NSL1: variants seen among roughly 807,000 people sequenced by gnomAD.
NSL1 encodes NSL1 component of MIS12 kinetochore complex.
A neutral mutation model predicts 25.4 loss-of-function variants in NSL1; 11 were observed. The observed-to-expected ratio is 0.43, with a 90% CI of 0.27 to 0.72. NSL1 has a LOEUF of 0.72. NSL1 is among the 30% of genes least tolerant of loss of function. The probability of loss-of-function intolerance (pLI) is 0.19; values close to 1 mark genes in which losing one functional copy is unlikely to be tolerated. For missense variants in NSL1, 330 were observed against 342.7 expected (o/e 0.96, Z 0.29); for synonymous variants, 118 against 120.6 (o/e 0.98, Z 0.14).
chr1:212,782,125 T>C (rs1660758076), intron 4 of NSL1: 2 of 699,656 alleles, frequency 2.9e-6, no homozygotes, highest in African/African-American at 3.5e-5. Context: ...TGTGTTATAA[T>C]AGTCTGGGTC....
intron 4 of NSL1, among the ~76,000 whole-genome samples, chr1:212,765,471 T>C (rs1316239691): frequency 6.6e-6 from 1 of 151,984 alleles, no homozygotes; most frequent in African/African-American, 2.4e-5. Flanking sequence ...AGAAACAGAA[T>C]TAAAAACAAA....
rs375998186 is a variant in NSL1 at position 212,787,578 on chromosome 1, A to G, written c.294T>C (p.Ala98=). Residue 98 remains alanine, a synonymous_variant, in exon 2 of 6, where the codon GCT becomes GCC. Coordinates refer to ENST00000366977, the MANE Select transcript of NSL1 (RefSeq NM_015471.4). Reference sequence around the variant, plus strand: ...ACATACCCATAAAACAATTATCTGAAGCTTCCTGCCATGCTTGCCCATTAA... The same window carrying G: ...ACATACCCATAAAACAATTATCTGAGGCTTCCTGCCATGCTTGCCCATTAA... The part of the protein sequence containing the change: ...ISINGQAWQE[A]SDNCFMDSDI... 6.2e-7 allele frequency: 1 copy of G among 1,604,852 alleles called. No homozygotes were observed. The highest frequency in any genetic ancestry group is 2.3e-5 in the East Asian group (1 of 44,380).
intron 4 of NSL1, among the ~76,000 whole-genome samples, chr1:212,742,483 A>G (rs928012335): frequency 6.6e-6 from 1 of 152,232 alleles, no homozygotes; most frequent in African/African-American, 2.4e-5. Context: ...TACAAATGAA[A>G]TGTCCTTATT....
At chr1:212,775,799 C>CA (rs1014688279) in intron 4 of NSL1, among the ~76,000 whole-genome samples, 10 of 151,132 alleles carry the variant, frequency 6.6e-5, no homozygotes, top group African/African-American at 2.4e-4. Context: ...TCATTGAGTA[C>CA]AAAAAAAGTA....
At chr1:212,738,897 G>C (rs950163459) in intron 5 of NSL1, among the ~76,000 whole-genome samples, 4 of 151,996 alleles carry the variant, frequency 2.6e-5, no homozygotes, top group African/African-American at 9.7e-5. Context: ...CGAGTAGTTG[G>C]GACTACAGGC....
intron 4 of NSL1, among the ~76,000 whole-genome samples, chr1:212,742,886 A>T (rs1467276390): frequency 6.6e-6 from 1 of 151,158 alleles, no homozygotes; most frequent in Non-Finnish European, 1.5e-5. Flanking sequence ...ACTTTTGCTT[A>T]AAAAAAAATG....
At chr1:212,754,550 G>A (rs1659211098) in intron 4 of NSL1, among the ~76,000 whole-genome samples, 1 of 152,024 alleles carries the variant, frequency 6.6e-6, no homozygotes, top group South Asian at 2.1e-4. Context: ...GCTGAGATGG[G>A]TGGATCACGT....
At position 212,791,530 on chromosome 1, in the gene NSL1, C is replaced by T. The variant is rs1207166102; in HGVS notation, c.234G>A (p.Trp78Ter). 3.7e-6 allele frequency: 6 copies of T among 1,612,762 alleles called. No individual in the cohort carries two copies. Among genetic ancestry groups the T allele is most frequent in the Non-Finnish European group, 4.2e-6 (5 of 1,179,390 alleles). The change falls in exon 1 of 6, where the codon TGG (tryptophan) becomes TGA (stop). Residue 78 changes from tryptophan to a stop codon, truncating the protein, a stop_gained and splice_region_variant. Transcript: ENST00000366977. LOFTEE classifies it high-confidence loss of function. ...IREPALRDAQ[W>*]TFESAVQENI... is the part of the protein sequence containing the mutation. ...AAGAACTGGCTAACTGGTCCCGTACCCACTGCGCATCTCGCAGAGCGGGCT... is the reference window on the plus strand; with the variant it reads ...AAGAACTGGCTAACTGGTCCCGTACTCACTGCGCATCTCGCAGAGCGGGCT...
chr1:212,758,318 A>T (rs1659407839), intron 4 of NSL1, among the ~76,000 whole-genome samples: 1 of 152,234 alleles, frequency 6.6e-6, no homozygotes, highest in Non-Finnish European at 1.5e-5. Flanking sequence ...GACACTGCTC[A>T]TCAACAATGA....
rs367736229 is a variant in NSL1, at chr1:212,727,092, C to G, written c.*11316G>C. The G allele has an allele frequency of 9.6e-5, 148 of 1,547,014 alleles. No individual in the cohort carries two copies. In the East Asian group the frequency reaches 1.3e-3, roughly 14 times the overall value. ...ACCCAGCTTCATCCTCTTCATCTTG[C>G]CAGTTCACCAGAGGCAGAAGGGATG... On this transcript the variant is annotated 3_prime_UTR_variant, in exon 6 of 6. Transcript: ENST00000366977.
At chr1:212,756,710 G>A (rs923671454) in intron 4 of NSL1, among the ~76,000 whole-genome samples, 1 of 152,008 alleles carries the variant, frequency 6.6e-6, no homozygotes, top group African/African-American at 2.4e-5. Context: ...ATCCCAGCTA[G>A]TCTAGAGGCT....
rs1657862884 is a variant in NSL1 at position 212,728,129 on chromosome 1, C to A, written c.*10279G>T. 1.0e-6 allele frequency: 1 copy of A among 963,978 alleles called. No homozygotes were observed. The highest frequency in any genetic ancestry group is 1.8e-5 in the African/African-American group (1 of 56,768). 59.7% of individuals were successfully genotyped at this position (963,978 alleles called of 1,614,324 possible). ...ATGGGCGTGGTAATAGCCCTTAATT[C>A]ATGGATTGTCTTGAGGATTAAAAGA... On this transcript the variant is annotated 3_prime_UTR_variant, in exon 6 of 6. Transcript: ENST00000366977.
rs1047203748 is a variant in NSL1 at position 212,729,756 on chromosome 1, G to C, written c.*8652C>G. On this transcript the variant is annotated 3_prime_UTR_variant, in exon 6 of 6. Coordinates refer to ENST00000366977, the MANE Select transcript of NSL1 (RefSeq NM_015471.4). ...TTCCTTTTTCCTATCCGCTCTTCTGGTGGAGATGCTCGGCTATAAAACGGC... is the reference window on the plus strand; with the variant it reads ...TTCCTTTTTCCTATCCGCTCTTCTGCTGGAGATGCTCGGCTATAAAACGGC... The C allele has an allele frequency of 2.0e-6, 2 of 985,208 alleles. No individual in the cohort carries two copies. The highest frequency in any genetic ancestry group is 9.4e-5 in the South Asian group (2 of 21,282). 61.0% of individuals were successfully genotyped at this position (985,208 alleles called of 1,614,324 possible).
intron 4 of NSL1, among the ~76,000 whole-genome samples, chr1:212,749,339 GTTTTTT>G (rs10717383): frequency 1.3e-5 from 1 of 76,952 alleles, no homozygotes. Context: ...GTTTTATTGT[GTTTTTT>G]TTTTTTTTTT....
chr1:212,779,312 G>A (rs1406953263), intron 4 of NSL1, among the ~76,000 whole-genome samples: 7 of 136,950 alleles, frequency 5.1e-5, no homozygotes, highest in South Asian at 2.3e-4. Flanking sequence ...CCAGCCAGCC[G>A]CCCCGTCCGG....
Position 212,727,128 on chromosome 1 carries a change from G to T in NSL1, c.*11280C>A. 5.1e-6 allele frequency: 8 copies of T among 1,571,168 alleles called. No individual in the cohort carries two copies. Among genetic ancestry groups the T allele is most frequent in the Non-Finnish European group, 6.9e-6 (8 of 1,158,422 alleles). ...GAGGCAGAAGGGATGAAGGTTCCCC[G>T]ATCCCCTTCTCTCCTAAACTGCCCC... On this transcript the variant is annotated 3_prime_UTR_variant, in exon 6 of 6. Coordinates refer to ENST00000366977, the MANE Select transcript of NSL1 (RefSeq NM_015471.4).
In NSL1 at chr1:212,726,856, AAC is replaced by A. The variant is rs1657810121; in HGVS notation, c.*11550_*11551del. 1 of 346,412 alleles carries A rather than the reference AAC, an allele frequency of 2.9e-6. No individual in the cohort carries two copies. 21.5% of individuals were successfully genotyped at this position (346,412 alleles called of 1,614,324 possible). ...GATCTCCAAATGACTTCTGTGCAAC[AAC>A]AGAGCCGAGCCCGGTCCCAGGGGCT... On this transcript the variant is annotated 3_prime_UTR_variant, in exon 6 of 6. Coordinates refer to ENST00000366977, the MANE Select transcript of NSL1 (RefSeq NM_015471.4).
chr1:212,748,559 T>A (rs1339504314), intron 4 of NSL1, among the ~76,000 whole-genome samples: 1 of 152,176 alleles, frequency 6.6e-6, no homozygotes, highest in Admixed American at 6.5e-5. Context: ...AAAACGTGGA[T>A]GAATCTCATA....
Position 212,730,360 on chromosome 1 carries a change from A to T in NSL1, c.*8048T>A. Reference sequence around the variant, plus strand: ...GTGGCATCAGGGGCAGAAATGGACAAAAGAACTCCAATGACATCATTGTAG... The same window carrying T: ...GTGGCATCAGGGGCAGAAATGGACATAAGAACTCCAATGACATCATTGTAG... On this transcript the variant is annotated 3_prime_UTR_variant, in exon 6 of 6. Transcript: ENST00000366977. The T allele has an allele frequency of 1.0e-6, 1 of 985,302 alleles. No homozygotes were observed. The highest frequency in any genetic ancestry group is 1.2e-6 in the Non-Finnish European group (1 of 829,908). 61.0% of individuals were successfully genotyped at this position (985,302 alleles called of 1,614,324 possible).
Sources: gnomAD v4.1 joint callset for allele counts (sites outside exome capture counted in the v4.1 genomes callset) on GRCh38, gnomAD v4.1.1 for gene constraint, MANE v1.5 for transcripts, NCBI Gene and HGNC (gene_info 2026-07-23, HGNC 2026-07-21) for gene names.